The following HSPA4 variants were observed in gnomAD, a reference collection of about 807,000 sequenced individuals.
The protein encoded by HSPA4 is heat shock protein family A (Hsp70) member 4.
Under a neutral mutation model 106.2 loss-of-function variants are expected in HSPA4, and 25 were observed. The ratio of observed to expected loss-of-function variants is 0.24; its 90% confidence interval spans 0.17 to 0.33. The LOEUF is 0.33. HSPA4 is among the 10% of genes least tolerant of loss of function. The pLI is 1.00. For missense variants in HSPA4, 841 were observed against 996.0 expected (o/e 0.84, Z 2.10); for synonymous variants, 332 against 333.6 (o/e 1.00, Z 0.05).
chr5:133,087,105 A>G (rs1009297369), intron 8 of HSPA4, among the ~76,000 whole-genome samples: 2 of 152,164 alleles, frequency 1.3e-5, no homozygotes, highest in African/African-American at 4.8e-5. Flanking sequence ...TATAAGCCTC[A>G]CAATTATTTA....
chr5:133,090,722 A>G (rs1268312805), intron 11 of HSPA4, among the ~76,000 whole-genome samples: 1 of 152,210 alleles, frequency 6.6e-6, no homozygotes, highest in Non-Finnish European at 1.5e-5. Context: ...ACCAGGAATA[A>G]CAATGATAAT....
Position 133,074,012 on chromosome 5 carries a change from C to T in HSPA4, c.549C>T (p.Ile183=). The T allele has an allele frequency of 6.3e-7, 1 of 1,590,978 alleles. No homozygotes were observed. The highest frequency in any genetic ancestry group is 8.5e-7 in the Non-Finnish European group (1 of 1,171,472). The part of the protein sequence containing the change: ...ETTAVALAYG[I]YKQDLPALEE... Reference sequence around the variant, plus strand: ...CTGTAGTTGCTCTTGCATATGGAATCTATAAGCAGGATCTTCCTGCCTTAG... The same window carrying T: ...CTGTAGTTGCTCTTGCATATGGAATTTATAAGCAGGATCTTCCTGCCTTAG... The change falls in exon 6 of 19, where the codon ATC becomes ATT. Residue 183 remains isoleucine, a synonymous_variant. Coordinates refer to ENST00000304858, the MANE Select transcript of HSPA4 (RefSeq NM_002154.4).
intron 7 of HSPA4, among the ~76,000 whole-genome samples, chr5:133,085,078 G>T (rs1765560905): frequency 6.6e-6 from 1 of 151,928 alleles, no homozygotes; most frequent in Admixed American, 6.6e-5. Flanking sequence ...GACTACAGGC[G>T]TGAGCCACTG....
chr5:133,076,297 A>G, intron 6 of HSPA4: 1 of 235,018 alleles, frequency 4.3e-6, no homozygotes, highest in South Asian at 6.8e-5. Context: ...ATGTTAGTAT[A>G]TTTTACCTTG....
intron 1 of HSPA4, among the ~76,000 whole-genome samples, chr5:133,060,902 C>G (rs1227239597): frequency 6.7e-6 from 1 of 149,026 alleles, no homozygotes; most frequent in Non-Finnish European, 1.5e-5. Flanking sequence ...TCACTGCAAC[C>G]TTGACTGCAA....
At chr5:133,070,334 AAATAT>A (rs1266101382) in intron 3 of HSPA4, 35 bp from the exon 4 acceptor site, 1 of 1,580,030 alleles carries the variant, frequency 6.3e-7, no homozygotes, top group Non-Finnish European at 8.6e-7. Context: ...ATGAAGAAAG[AAATAT>A]AATAAGTCTA....
At chr5:133,056,517 C>T (rs1461279403) in intron 1 of HSPA4, among the ~76,000 whole-genome samples, 2 of 152,178 alleles carry the variant, frequency 1.3e-5, no homozygotes. Context: ...GTGATCCGCC[C>T]GCCTTGACCT....
chr5:133,091,659 A>G (rs1016164901), intron 12 of HSPA4, among the ~76,000 whole-genome samples: 13 of 152,208 alleles, frequency 8.5e-5, no homozygotes, highest in East Asian at 3.8e-4. Context: ...GTCTCAGTTA[A>G]TTATTTTCAA....
At chr5:133,079,489 ATAT>A (rs1765488523) in intron 7 of HSPA4, among the ~76,000 whole-genome samples, 1 of 151,976 alleles carries the variant, frequency 6.6e-6, no homozygotes. Flanking sequence ...TTTTGGGCAG[ATAT>A]TATTTTCTTG....
intron 8 of HSPA4, among the ~76,000 whole-genome samples, chr5:133,087,156 T>C (rs549363048): frequency 5.3e-5 from 8 of 152,316 alleles, no homozygotes; most frequent in African/African-American, 1.7e-4. Context: ...GATATGGTAG[T>C]CTTATAAGCT....
chr5:133,080,077 G>C (rs1765494824), intron 7 of HSPA4, among the ~76,000 whole-genome samples: 1 of 151,166 alleles, frequency 6.6e-6, no homozygotes, highest in Non-Finnish European at 1.5e-5. Context: ...TTTGTCACTT[G>C]TTCTTTTTGC....
rs1765830063 is a variant in HSPA4 at position 133,104,444 on chromosome 5, A to G, written c.*8A>G. The G allele has an allele frequency of 6.2e-7, 1 of 1,610,616 alleles. No homozygotes were observed. The highest frequency in any genetic ancestry group is 2.2e-5 in the East Asian group (1 of 44,868). On this transcript the variant is annotated 3_prime_UTR_variant, in exon 19 of 19. Coordinates refer to ENST00000304858, the MANE Select transcript of HSPA4 (RefSeq NM_002154.4). Reference sequence around the variant, plus strand: ...GAAATGGACATTGATTGATTCCAACACTTGTTTCTATTAAAACAGACTATT... The same window carrying G: ...GAAATGGACATTGATTGATTCCAACGCTTGTTTCTATTAAAACAGACTATT...
rs745506940 is a variant in HSPA4 at position 133,086,874 on chromosome 5, A to G, written c.985+16A>G. The G allele has an allele frequency of 4.4e-6, 7 of 1,581,872 alleles. No individual in the cohort carries two copies. In the Admixed American group the frequency reaches 1.2e-4, roughly 26 times the overall value. On this transcript the variant is annotated intron_variant, in intron 8 of 18. Coordinates refer to ENST00000304858, the MANE Select transcript of HSPA4 (RefSeq NM_002154.4). ...GAACAAACCAGTAAGTATTTTTGTG[A>G]TTGAATTTGTTTGCGTATCTCAGAC...
At chr5:133,072,429 C>T (rs115175829) in intron 4 of HSPA4, among the ~76,000 whole-genome samples, 248 of 94,712 alleles carry the variant, frequency 2.6e-3, no homozygotes, top group African/African-American at 0.01. Context: ...GACTGAGTTT[C>T]GCTCTTGTTT....
chr5:133,074,558 G>A (rs1184293312), intron 6 of HSPA4, among the ~76,000 whole-genome samples: 1 of 152,210 alleles, frequency 6.6e-6, no homozygotes, highest in African/African-American at 2.4e-5. Flanking sequence ...CATTACAGGC[G>A]TGAGCCACGG....
Position 133,096,282 on chromosome 5 carries a change from C to A in HSPA4, c.1803+32C>A, listed in dbSNP as rs935926141. 4.4e-6 allele frequency: 7 copies of A among 1,588,060 alleles called. No individual in the cohort carries two copies. In the Admixed American group the frequency reaches 1.2e-4, roughly 27 times the overall value. On this transcript the variant is annotated intron_variant, in intron 14 of 18. Transcript: ENST00000304858. ...ATTTAAAGTCTATTGGAACAATGAG[C>A]TAACAAATTAATGTTACCATAGTAT... is the stretch of plus-strand genomic sequence containing the variant.
At chr5:133,087,634 A>AT (rs945103824) in intron 8 of HSPA4, among the ~76,000 whole-genome samples, 3 of 151,970 alleles carry the variant, frequency 2.0e-5, no homozygotes, top group Non-Finnish European at 4.4e-5. Context: ...TTTTATTTTT[A>AT]TTTTTTGAGA....
At chr5:133,064,004 C>T (rs574525148) in intron 1 of HSPA4, among the ~76,000 whole-genome samples, 71 of 151,946 alleles carry the variant, frequency 4.7e-4, no homozygotes, top group African/African-American at 1.7e-3. Context: ...TCAGGTGATC[C>T]GCCTGCCTCA....
In HSPA4 at chr5:133,067,912, A is replaced by G. The variant is rs1232339234; in HGVS notation, c.306+355A>G. On this transcript the variant is annotated intron_variant, in intron 3 of 18. Transcript: ENST00000304858. The stretch of plus-strand genomic sequence containing the variant: ...TCACAGTTTTTTTTTTTTTTTTTTG[A>G]GATGGACTCTCGCCTTGTCACCCAG... Among the ~76,000 whole-genome samples the G allele has an allele frequency of 3.1e-5, 4 of 129,786 alleles. No individual in the cohort carries two copies. The East Asian group carries it at 7.2e-4, about 23-fold the overall frequency. 85.1% of individuals were successfully genotyped at this position (129,786 alleles called of 152,430 possible).
Sources: allele counts gnomAD v4.1 joint callset (sites outside exome capture counted in the v4.1 genomes callset), GRCh38; gene constraint gnomAD v4.1.1; transcripts MANE v1.5; gene names NCBI Gene and HGNC (gene_info 2026-07-23, HGNC 2026-07-21).